The following FGF14 variants were observed in gnomAD, a reference collection of about 807,000 sequenced individuals.
FGF14 encodes fibroblast growth factor homologous factor 4.
Under a neutral mutation model 25.5 loss-of-function variants are expected in FGF14, and 5 were observed. The ratio of observed to expected loss-of-function variants is 0.20; its 90% CI spans 0.10 to 0.41. The LOEUF (loss-of-function observed/expected upper bound fraction) is 0.41. FGF14 is among the 10% of genes least tolerant of loss of function. FGF14 has a pLI of 1.00. For missense variants in FGF14, 222 were observed against 320.1 expected, an observed-to-expected ratio of 0.69 and a Z score of 2.34; for synonymous variants, 138 against 118.3, an observed-to-expected ratio of 1.17 and a Z score of -1.08.
intron 3 of FGF14, among the ~76,000 whole-genome samples, chr13:101,865,460 TC>T (rs1275569404): frequency 3.9e-5 from 6 of 152,144 alleles, no homozygotes; most frequent in African/African-American, 1.2e-4. Flanking sequence ...ATGGCTTGTA[TC>T]CGACATTAAA....
intron 1 of FGF14, among the ~76,000 whole-genome samples, chr13:102,059,273 G>A (rs1320218523): frequency 6.6e-6 from 1 of 152,172 alleles, no homozygotes; most frequent in Non-Finnish European, 1.5e-5. Flanking sequence ...ATACTACCAA[G>A]TGTGGCATCT....
intron 1 of FGF14, among the ~76,000 whole-genome samples, chr13:102,212,143 T>C (rs1033187832): frequency 6.6e-6 from 1 of 152,182 alleles, no homozygotes; most frequent in Non-Finnish European, 1.5e-5. Context: ...AAATAGGTGA[T>C]CTTTGTGCAT....
intron 1 of FGF14, among the ~76,000 whole-genome samples, chr13:102,075,293 GA>G (rs1297080221): frequency 6.6e-6 from 1 of 152,076 alleles, no homozygotes; most frequent in Non-Finnish European, 1.5e-5. Context: ...ATCAGAAAAA[GA>G]AATCAAGAAA....
At chr13:102,286,961 T>G (rs1468405948) in intron 1 of FGF14, among the ~76,000 whole-genome samples, 1 of 151,670 alleles carries the variant, frequency 6.6e-6, no homozygotes, top group Non-Finnish European at 1.5e-5. Context: ...GGTTGTGATA[T>G]TTGAGCTTTA....
At chr13:101,770,077 CTG>C (rs1284041037) in intron 3 of FGF14, among the ~76,000 whole-genome samples, 3 of 152,134 alleles carry the variant, frequency 2.0e-5, no homozygotes, top group Non-Finnish European at 2.9e-5. Context: ...AGGGGAATCT[CTG>C]TGCCTTCATC....
intron 1 of FGF14, among the ~76,000 whole-genome samples, chr13:101,964,519 G>A (rs1342316961): frequency 4.6e-5 from 7 of 152,106 alleles, no homozygotes; most frequent in Non-Finnish European, 8.8e-5. Context: ...CCCGTTTTTA[G>A]AGCCTCATCA....
intron 1 of FGF14, among the ~76,000 whole-genome samples, chr13:101,897,801 C>T (rs1176990314): frequency 1.3e-5 from 2 of 152,136 alleles, no homozygotes; most frequent in Non-Finnish European, 2.9e-5. Flanking sequence ...ATAAAAAATG[C>T]TCCAAAATCT....
intron 1 of FGF14, among the ~76,000 whole-genome samples, chr13:102,089,602 G>C (rs1304633308): frequency 6.6e-6 from 1 of 152,116 alleles, no homozygotes; most frequent in Non-Finnish European, 1.5e-5. Flanking sequence ...TTTCAAGGAA[G>C]TTTACATTAT....
At chr13:102,346,205 G>A (rs2057100735) in intron 1 of FGF14, among the ~76,000 whole-genome samples, 1 of 152,030 alleles carries the variant, frequency 6.6e-6, no homozygotes, top group Admixed American at 6.6e-5. Flanking sequence ...AAATTGAATG[G>A]TAGGATAAAG....
At chr13:101,962,753 T>C (rs2036942992) in intron 1 of FGF14, among the ~76,000 whole-genome samples, 1 of 152,238 alleles carries the variant, frequency 6.6e-6, no homozygotes, top group South Asian at 2.1e-4. Flanking sequence ...TTTATTTTTA[T>C]ACATGTATTG....
intron 1 of FGF14, among the ~76,000 whole-genome samples, chr13:102,069,092 C>G (rs910449003): frequency 6.6e-6 from 1 of 151,544 alleles, no homozygotes; most frequent in East Asian, 1.9e-4. Flanking sequence ...ATGTCTAGCT[C>G]AGGGATTGTA....
At chr13:102,272,165 G>A (rs2053280153) in intron 1 of FGF14, among the ~76,000 whole-genome samples, 1 of 152,050 alleles carries the variant, frequency 6.6e-6, no homozygotes. Flanking sequence ...TAGGTTTTCA[G>A]TGCTGTAGCC....
At chr13:102,206,256 G>T (rs72647415) in intron 1 of FGF14, among the ~76,000 whole-genome samples, 4 of 150,332 alleles carry the variant, frequency 2.7e-5, no homozygotes, top group Non-Finnish European at 5.9e-5. Flanking sequence ...AGTGAATTCT[G>T]TGAAGCTCCC....
intron 1 of FGF14, among the ~76,000 whole-genome samples, chr13:101,944,618 A>G (rs1449094611): frequency 6.6e-6 from 1 of 152,228 alleles, no homozygotes; most frequent in Non-Finnish European, 1.5e-5. Context: ...CATAATAGCC[A>G]AAACGTGGGA....
chr13:102,012,756 A>G (rs1052558164), intron 1 of FGF14, among the ~76,000 whole-genome samples: 1 of 152,192 alleles, frequency 6.6e-6, no homozygotes, highest in Non-Finnish European at 1.5e-5. Flanking sequence ...TTGTGAGGAT[A>G]GAGAGCAGCT....
At position 102,387,451 on chromosome 13, in the gene FGF14, T is replaced by A. The variant is rs191739359; in HGVS notation, c.208+14020A>T. On this transcript the variant is annotated intron_variant, in intron 1 of 4. Transcript: ENST00000376131. ...TAGAGCCACAGCAGCATGCTGGAATTCTTACAGAAAAAATAATGGTCCAAA... is the reference window on the plus strand; with the variant it reads ...TAGAGCCACAGCAGCATGCTGGAATACTTACAGAAAAAATAATGGTCCAAA... Among the ~76,000 whole-genome samples, 421 of 152,256 alleles carry A rather than the reference T, an allele frequency of 2.8e-3. 10 individuals are homozygous for A. The highest frequency in any genetic ancestry group is 0.021 in the Admixed American group (323 of 15,300).
chr13:102,303,503 TA>T (rs1368359452), intron 1 of FGF14, among the ~76,000 whole-genome samples: 1 of 152,218 alleles, frequency 6.6e-6, no homozygotes, highest in Non-Finnish European at 1.5e-5. Context: ...GTGGAAATTT[TA>T]AAAAGATATT....
At chr13:102,267,546 T>C (rs1231392018) in intron 1 of FGF14, among the ~76,000 whole-genome samples, 1 of 152,170 alleles carries the variant, frequency 6.6e-6, no homozygotes, top group East Asian at 1.9e-4. Flanking sequence ...GTATCATACA[T>C]GTAAAGGATA....
chr13:102,280,449 G>A (rs2141209946), intron 1 of FGF14, among the ~76,000 whole-genome samples: 2 of 152,282 alleles, frequency 1.3e-5, no homozygotes, highest in East Asian at 3.9e-4. Context: ...AATCTGGAGG[G>A]TGGAGAAGAT....
Sources: allele counts gnomAD v4.1 joint callset (sites outside exome capture counted in the v4.1 genomes callset), GRCh38; gene constraint gnomAD v4.1.1; transcripts MANE v1.5; gene names NCBI Gene and HGNC (gene_info 2026-07-23, HGNC 2026-07-21).